ZIC2: variants seen among roughly 807,000 people sequenced by gnomAD.
ZIC2 encodes zinc finger protein ZIC 2.
A neutral mutation model predicts 29.5 loss-of-function variants in ZIC2; 7 were observed. The observed-to-expected ratio is 0.24, with a 90% CI of 0.14 to 0.45. ZIC2 has a LOEUF of 0.45. Ranked by LOEUF, ZIC2 falls within the 20% of genes least tolerant of loss-of-function variation. The pLI is 1.00. For synonymous variants in ZIC2, 408 were observed against 354.2 expected (o/e 1.15, Z -1.70); for missense variants, 589 against 781.2 (o/e 0.75, Z 2.93).
At position 99,981,791 on chromosome 13, in the gene ZIC2, T is replaced by TCTCCTCCTC; in HGVS notation, c.-272_-264dup. 1.8e-6 allele frequency: 1 copy of TCTCCTCCTC among 563,346 alleles called. No homozygotes were observed. Among genetic ancestry groups the TCTCCTCCTC allele is most frequent in the Non-Finnish European group, 2.9e-6 (1 of 345,924 alleles). 34.9% of individuals were successfully genotyped at this position (563,346 alleles called of 1,614,324 possible). ...GGTTCTCCGCCTGGCTTTGGACTCT[T>TCTCCTCCTC]CTCCTCCTCCACCTCCTCCTCCTCC... is the stretch of plus-strand genomic sequence containing the variant. On this transcript the variant is annotated 5_prime_UTR_variant, in exon 1 of 3. Coordinates refer to ENST00000376335, the MANE Select transcript of ZIC2 (RefSeq NM_007129.5).
In ZIC2 at chr13:99,982,590, A is replaced by G. The variant is rs767657125; in HGVS notation, c.526A>G (p.Asn176Asp). 1.3e-6 allele frequency: 2 copies of G among 1,575,616 alleles called. No individual in the cohort carries two copies. Among genetic ancestry groups the G allele is most frequent in the Non-Finnish European group, 1.7e-6 (2 of 1,167,340 alleles). Residue 176 changes from asparagine (N) to aspartate (D), a missense_variant, in exon 1 of 3, where the codon AAC becomes GAC. Physicochemically the swap from Asn to Asp is conservative, Grantham distance 23. Transcript: ENST00000376335. Reference sequence around the variant, plus strand: ...GCCGCACGGCTCGCAGAATGTGCTCAACGGGCAGATGCGCCTCGGGCTGCC... The same window carrying G: ...GCCGCACGGCTCGCAGAATGTGCTCGACGGGCAGATGCGCCTCGGGCTGCC... ...HGPHGSQNVL[N>D]GQMRLGLPGE...
chr13:99,981,867 G>A lies in ZIC2; in HGVS notation c.-198G>A. 1 of 1,141,100 alleles carries A rather than the reference G, an allele frequency of 8.8e-7. No homozygotes were observed. The highest frequency in any genetic ancestry group is 1.7e-5 in the African/African-American group (1 of 60,358). 70.7% of individuals were successfully genotyped at this position (1,141,100 alleles called of 1,614,324 possible). A position where few individuals can be genotyped will look rare whatever the true frequency, so the allele number is the denominator to read the frequency against. ...CTTCCTCTCCGCGCCTTCGCTACGCGCCCGGCCGCCCGAGGCAGATCCAGG... is the reference window on the plus strand; with the variant it reads ...CTTCCTCTCCGCGCCTTCGCTACGCACCCGGCCGCCCGAGGCAGATCCAGG... On this transcript the variant is annotated 5_prime_UTR_variant, in exon 1 of 3. Coordinates refer to ENST00000376335, the MANE Select transcript of ZIC2 (RefSeq NM_007129.5).
In ZIC2 at chr13:99,985,980, T is replaced by G. The variant is rs2053267376; in HGVS notation, c.*298T>G. The G allele has an allele frequency of 2.3e-6, 1 of 440,408 alleles. No homozygotes were observed. Among genetic ancestry groups the G allele is most frequent in the East Asian group, 7.1e-5 (1 of 14,126 alleles). 27.3% of individuals were successfully genotyped at this position (440,408 alleles called of 1,614,324 possible). Reference sequence around the variant, plus strand: ...GTTGAACCAAACCTCCCTGCTAATCTCCATGCCCACGTTCTTTCCCACCCT... The same window carrying G: ...GTTGAACCAAACCTCCCTGCTAATCGCCATGCCCACGTTCTTTCCCACCCT... On this transcript the variant is annotated 3_prime_UTR_variant, in exon 3 of 3. Transcript: ENST00000376335. This position sits in a 1 kb window ranked among gnomAD's most constrained non-coding sequence, Gnocchi z 6.3.
chr13:99,982,334 G>A lies in ZIC2; in HGVS notation c.270G>A (p.Ala90=). The change falls in exon 1 of 3, where the codon GCG becomes GCA. Residue 90 remains alanine, a synonymous_variant. Transcript: ENST00000376335. ...CCGGCGCCTACCCCGGCTCCGCTGC[G>A]GCTGCCGCTGCGGCCGCAGCGCTCG... The part of the protein sequence containing the change: ...QGPGAYPGSA[A]AAAAAAALGP... 6.8e-7 allele frequency: 1 copy of A among 1,465,096 alleles called. No homozygotes were observed. The highest frequency in any genetic ancestry group is 9.0e-7 in the Non-Finnish European group (1 of 1,111,286). 90.8% of individuals were successfully genotyped at this position (1,465,096 alleles called of 1,614,324 possible). A position where few individuals can be genotyped will look rare whatever the true frequency, so the allele number is the denominator to read the frequency against.
In ZIC2 at chr13:99,985,145, G is replaced by A. The variant is rs1466495481; in HGVS notation, c.1239+36G>A. On this transcript the variant is annotated intron_variant, in intron 2 of 2. Transcript: ENST00000376335. The surrounding 1 kb of genome is among the most constrained non-coding windows in gnomAD (Gnocchi z 6.3). Reference sequence around the variant, plus strand: ...GGCGGCCGGGAGGAGGGCGAGGCAGGCCGAGGCGCCGGTGCAGCACTGGCC... The same window carrying A: ...GGCGGCCGGGAGGAGGGCGAGGCAGACCGAGGCGCCGGTGCAGCACTGGCC... 10 of 1,613,370 alleles carry A rather than the reference G, an allele frequency of 6.2e-6. No individual in the cohort carries two copies. Among genetic ancestry groups the A allele is most frequent in the Non-Finnish European group, 8.5e-6 (10 of 1,179,616 alleles).
Position 99,985,532 on chromosome 13 carries a change from C to T in ZIC2, c.1449C>T (p.Gly483=), listed in dbSNP as rs1566406165. 9.9e-7 allele frequency: 1 copy of T among 1,008,826 alleles called. No homozygotes were observed. The highest frequency in any genetic ancestry group is 1.0e-4 in the East Asian group (1 of 9,680). The allele number at this position is 1,008,826 out of a possible 1,614,324, so 62.5% of individuals were successfully genotyped here. The change falls in exon 3 of 3, where the codon GGC becomes GGT. Residue 483 remains glycine, a synonymous_variant. Transcript: ENST00000376335. The surrounding 1 kb of genome is among the most constrained non-coding windows in gnomAD (Gnocchi z 6.3). The part of the protein sequence containing the change: ...AVHRGGGSGS[G]GAGGGSGGGS... ...ACCGGGGCGGAGGCTCGGGCAGTGGCGGCGCGGGAGGCGGCTCAGGCGGCG... is the reference window on the plus strand; with the variant it reads ...ACCGGGGCGGAGGCTCGGGCAGTGGTGGCGCGGGAGGCGGCTCAGGCGGCG...
chr13:99,982,459 G>A lies in ZIC2; in HGVS notation c.395G>A (p.Gly132Asp). 7.0e-7 allele frequency: 1 copy of A among 1,427,464 alleles called. No individual in the cohort carries two copies. The highest frequency in any genetic ancestry group is 3.5e-5 in the Admixed American group (1 of 28,934). 88.4% of individuals were successfully genotyped at this position (1,427,464 alleles called of 1,614,324 possible). ...CGCGGCTTCGGGGACTCGGCGCCGGGCGGCGGGCAGCACGGGCTGTTCGGG... is the reference window on the plus strand; with the variant it reads ...CGCGGCTTCGGGGACTCGGCGCCGGACGGCGGGCAGCACGGGCTGTTCGGG... ...RSRGFGDSAP[G>D]GGQHGLFGPG... Residue 132 changes from glycine (G) to aspartate (D), a missense_variant, in exon 1 of 3, where the codon GGC (glycine) becomes GAC (aspartate). Coordinates refer to ENST00000376335, the MANE Select transcript of ZIC2 (RefSeq NM_007129.5).
Position 99,985,135 on chromosome 13 carries a change from G to C in ZIC2, c.1239+26G>C. 6.2e-7 allele frequency: 1 copy of C among 1,613,726 alleles called. No individual in the cohort carries two copies. Among genetic ancestry groups the C allele is most frequent in the Non-Finnish European group, 8.5e-7 (1 of 1,179,782 alleles). ...GTACCACCGCGGCGGCCGGGAGGAG[G>C]GCGAGGCAGGCCGAGGCGCCGGTGC... is the stretch of plus-strand genomic sequence containing the variant. On this transcript the variant is annotated intron_variant, in intron 2 of 2. Transcript: ENST00000376335. This position sits in a 1 kb window ranked among gnomAD's most constrained non-coding sequence, Gnocchi z 6.3.
Position 99,983,025 on chromosome 13 carries a change from G to A in ZIC2, c.961G>A (p.Val321Ile), listed in dbSNP as rs1374263888. Reference protein sequence around the residue: ...GKPFKAKYKLVNHIRVHTGEK... With the variant: ...GKPFKAKYKLINHIRVHTGEK... ...GCCCTTCAAGGCCAAATACAAACTG[G>A]TCAACCACATCCGCGTGCACACAGG... The change falls in exon 1 of 3, where the codon GTC (valine) becomes ATC (isoleucine). Residue 321 changes from valine (V) to isoleucine (I), a missense_variant. Physicochemically the swap from Val to Ile is conservative, Grantham distance 29. Around this residue, in one of 7 missense-constraint regions of ZIC2, gnomAD observed 33 missense variants for 106.0 expected, o/e 0.31. Transcript: ENST00000376335. The surrounding 1 kb of genome is among the most constrained non-coding windows in gnomAD (Gnocchi z 4.7). 2.5e-6 allele frequency: 4 copies of A among 1,614,076 alleles called. No individual in the cohort carries two copies. Among genetic ancestry groups the A allele is most frequent in the Non-Finnish European group, 3.4e-6 (4 of 1,180,036 alleles).
chr13:99,984,921 C>G, intron 1 of ZIC2, 25 bp from the exon 2 acceptor site: 10 of 1,613,950 alleles, frequency 6.2e-6, no homozygotes, highest in Non-Finnish European at 8.5e-6. Flanking sequence ...TGTCTGCAGC[C>G]AGCGCCGATG....
rs2053249307 is a variant in ZIC2, at chr13:99,983,931, A to G, written c.1075+792A>G. 6.6e-6 allele frequency among the ~76,000 whole-genome samples: 1 copy of G among 152,144 alleles called. No individual in the cohort carries two copies. Among genetic ancestry groups the G allele is most frequent in the Non-Finnish European group, 1.5e-5 (1 of 68,032 alleles). ...GTCTCAGCCAAAATCGTGCCAGACGATTTCCTAAAAGAAAGCCAAATGTTT... is the reference window on the plus strand; with the variant it reads ...GTCTCAGCCAAAATCGTGCCAGACGGTTTCCTAAAAGAAAGCCAAATGTTT... On this transcript the variant is annotated intron_variant, in intron 1 of 2. Coordinates refer to ENST00000376335, the MANE Select transcript of ZIC2 (RefSeq NM_007129.5). This position sits in a 1 kb window ranked among gnomAD's most constrained non-coding sequence, Gnocchi z 4.7.
In ZIC2 at chr13:99,983,156, A is replaced by G. The variant is rs755643413; in HGVS notation, c.1075+17A>G. 8 of 1,612,062 alleles carry G rather than the reference A, an allele frequency of 5.0e-6. No homozygotes were observed. The highest frequency in any genetic ancestry group is 8.5e-7 in the Non-Finnish European group (1 of 1,179,328). ...CCCACACAGGTAACCGCGGGCTGGG[A>G]CAGGGACCAGGCGCGGAGGGGAGAC... On this transcript the variant is annotated intron_variant, in intron 1 of 2. Transcript: ENST00000376335. This position sits in a 1 kb window ranked among gnomAD's most constrained non-coding sequence, Gnocchi z 4.7.
rs1489189849 is a variant in ZIC2 at position 99,986,176 on chromosome 13, C to G, written c.*494C>G. The G allele has an allele frequency of 2.9e-6, 1 of 345,884 alleles. No individual in the cohort carries two copies. The highest frequency in any genetic ancestry group is 5.6e-6 in the Non-Finnish European group (1 of 177,546). The allele number at this position is 345,884 out of a possible 1,614,324, so 21.4% of individuals were successfully genotyped here. On this transcript the variant is annotated 3_prime_UTR_variant, in exon 3 of 3. Transcript: ENST00000376335. ...CCTAAAGTGATGGGCTTTCTCTTTT[C>G]TCTTTTTAGTTTACCCGGTTTCTTT... is the stretch of plus-strand genomic sequence containing the variant.
In ZIC2 at chr13:99,985,723, C is replaced by G; in HGVS notation, c.*41C>G. ...CTCCCTCTCCCTGTCCCCACCCCAG[C>G]GCAGCAGCCCTCCCCGCAGCTAGCA... is the stretch of plus-strand genomic sequence containing the variant. On this transcript the variant is annotated 3_prime_UTR_variant, in exon 3 of 3. Coordinates refer to ENST00000376335, the MANE Select transcript of ZIC2 (RefSeq NM_007129.5). The surrounding 1 kb of genome is among the most constrained non-coding windows in gnomAD (Gnocchi z 6.3). 8.3e-7 allele frequency: 1 copy of G among 1,205,636 alleles called. No homozygotes were observed. The highest frequency in any genetic ancestry group is 1.1e-6 in the Non-Finnish European group (1 of 923,686). The allele number at this position is 1,205,636 out of a possible 1,614,324, so 74.7% of individuals were successfully genotyped here. A position where few individuals can be genotyped will look rare whatever the true frequency, so the allele number is the denominator to read the frequency against.
In ZIC2 at chr13:99,985,836, G is replaced by GTTTTTT. The variant is rs34544768; in HGVS notation, c.*165_*170dup. 248 of 185,926 alleles carry GTTTTTT rather than the reference G, an allele frequency of 1.3e-3. No individual in the cohort carries two copies. The highest frequency in any genetic ancestry group is 5.6e-3 in the African/African-American group (218 of 39,092). The allele number at this position is 185,926 out of a possible 1,614,324, so 11.5% of individuals were successfully genotyped here. A position where few individuals can be genotyped will look rare whatever the true frequency, so the allele number is the denominator to read the frequency against. On this transcript the variant is annotated 3_prime_UTR_variant, in exon 3 of 3. Transcript: ENST00000376335. This position sits in a 1 kb window ranked among gnomAD's most constrained non-coding sequence, Gnocchi z 6.3. ...TTTACCAGCAGAAGGATTTTTTAAA[G>GTTTTTT]TTTTTTTTTTTTTTTTAATAATAAT...
Position 99,982,144 on chromosome 13 carries a change from C to A in ZIC2, c.80C>A (p.Ala27Glu). 2 of 1,332,904 alleles carry A rather than the reference C, an allele frequency of 1.5e-6. No individual in the cohort carries two copies. Among genetic ancestry groups the A allele is most frequent in the Non-Finnish European group, 1.9e-6 (2 of 1,046,790 alleles). The allele number at this position is 1,332,904 out of a possible 1,614,324, so 82.6% of individuals were successfully genotyped here. ...CGCCACCATCACCACTCCGCCGCGG[C>A]GGCGGCGGCGGCTGCCGCCGAGATG... is the stretch of plus-strand genomic sequence containing the variant. Reference protein sequence around the residue: ...FARHHHHSAAAAAAAAAEMQD... With the variant: ...FARHHHHSAAEAAAAAAEMQD... Residue 27 changes from alanine (A) to glutamate (E), a missense_variant, in exon 1 of 3, where the codon GCG becomes GAG. By Grantham distance (107) the Ala-to-Glu change is moderately radical (BLOSUM62 -1). Around this residue, in one of 7 missense-constraint regions of ZIC2, gnomAD observed 358 missense variants for 382.0 expected, o/e 0.94. Transcript: ENST00000376335.
rs1171557530 is a variant in ZIC2 at position 99,983,598 on chromosome 13, TTCCCGG to T, written c.1075+460_1075+465del. Among the ~76,000 whole-genome samples the T allele has an allele frequency of 2.7e-4, 41 of 152,218 alleles. No homozygotes were observed. The highest frequency in any genetic ancestry group is 4.3e-4 in the Non-Finnish European group (29 of 68,032). Reference sequence around the variant, plus strand: ...TCTTTTACTCGGGGTCCAAACGCCCTTCCCGGGACTGTTTCCCATGAAATGAGTCTG... The same window carrying T: ...TCTTTTACTCGGGGTCCAAACGCCCTGACTGTTTCCCATGAAATGAGTCTG... On this transcript the variant is annotated intron_variant, in intron 1 of 2. Transcript: ENST00000376335. This position sits in a 1 kb window ranked among gnomAD's most constrained non-coding sequence, Gnocchi z 4.7.
rs1264073850 is a variant in ZIC2, at chr13:99,986,274, C to G, written c.*592C>G. 6.7e-6 allele frequency: 2 copies of G among 297,534 alleles called. No individual in the cohort carries two copies. Among genetic ancestry groups the G allele is most frequent in the Non-Finnish European group, 6.6e-6 (1 of 152,216 alleles). 18.4% of individuals were successfully genotyped at this position (297,534 alleles called of 1,614,324 possible). A position where few individuals can be genotyped will look rare whatever the true frequency, so the allele number is the denominator to read the frequency against. On this transcript the variant is annotated 3_prime_UTR_variant, in exon 3 of 3. Coordinates refer to ENST00000376335, the MANE Select transcript of ZIC2 (RefSeq NM_007129.5). The stretch of plus-strand genomic sequence containing the variant: ...TATTGTGTTCCTTTTTATGAGGCAA[C>G]CTGATTGTAAACTTCATGTAACTAT...
Position 99,985,835 on chromosome 13 carries a change from AGT to A in ZIC2, c.*154_*155del. 1 of 264,528 alleles carries A rather than the reference AGT, an allele frequency of 3.8e-6. No homozygotes were observed. Among genetic ancestry groups the A allele is most frequent in the Non-Finnish European group, 5.7e-6 (1 of 174,546 alleles). The allele number at this position is 264,528 out of a possible 1,614,324, so 16.4% of individuals were successfully genotyped here. On this transcript the variant is annotated 3_prime_UTR_variant, in exon 3 of 3. Coordinates refer to ENST00000376335, the MANE Select transcript of ZIC2 (RefSeq NM_007129.5). This position sits in a 1 kb window ranked among gnomAD's most constrained non-coding sequence, Gnocchi z 6.3. ...TTTTACCAGCAGAAGGATTTTTTAA[AGT>A]TTTTTTTTTTTTTTTAATAATAATC... is the stretch of plus-strand genomic sequence containing the variant.
Sources: gnomAD v4.1 joint callset for allele counts (sites outside exome capture counted in the v4.1 genomes callset) on GRCh38, gnomAD v4.1.1 for gene constraint, gnomAD v4.1.1 regional missense constraint, Gnocchi (gnomAD v3.1) non-coding constraint, MANE v1.5 for transcripts, NCBI Gene and HGNC (gene_info 2026-07-23, HGNC 2026-07-21) for gene names.